The following ALS2 variants were observed in gnomAD, a reference collection of about 807,000 sequenced individuals.
ALS2 encodes the protein alsin.
ALS2 carries 117 observed loss-of-function variants against 203.4 expected under a neutral mutation model. That is an observed-to-expected ratio of 0.58 (90% CI 0.50 to 0.67). ALS2 has a LOEUF of 0.67. ALS2 is among the 30% of genes least tolerant of loss of function. The pLI, the probability that ALS2 is intolerant of heterozygous loss-of-function variation, is 0.00. For synonymous variants in ALS2, 718 were observed against 725.9 expected, an observed-to-expected ratio of 0.99 and a Z score of 0.17; for missense variants, 1,715 against 1,989.4, an observed-to-expected ratio of 0.86 and a Z score of 2.62.
chr2:201,707,790 C>T (rs1401405884), intron 28 of ALS2, 79 bp downstream of exon 28: 5 of 1,563,130 alleles, frequency 3.2e-6, no homozygotes, highest in Non-Finnish European at 4.4e-6. Context: ...AGAGAACACA[C>T]TTTCTCGCTG....
intron 23 of ALS2, among the ~76,000 whole-genome samples, chr2:201,720,748 C>A (rs575752631): frequency 6.6e-6 from 1 of 151,748 alleles, no homozygotes; most frequent in Non-Finnish European, 1.5e-5. Flanking sequence ...AACACACACA[C>A]ACAAAGCTTT....
Position 201,727,602 on chromosome 2 carries a change from G to A in ALS2, c.2912+103C>T, listed in dbSNP as rs545213381. ...AGGTGGGCCTCATTATACAGAATGA[G>A]GAGACTGTCTCCGAAGCCTTCCTGA... On this transcript the variant is annotated intron_variant, in intron 16 of 33. Transcript: ENST00000264276. 3 of 1,020,730 alleles carry A rather than the reference G, an allele frequency of 2.9e-6. No individual in the cohort carries two copies. In the South Asian group the frequency reaches 4.1e-5, roughly 14 times the overall value. 63.2% of individuals were successfully genotyped at this position (1,020,730 alleles called of 1,614,324 possible). A position where few individuals can be genotyped will look rare whatever the true frequency, so the allele number is the denominator to read the frequency against.
Position 201,718,204 on chromosome 2 carries a change from G to C in ALS2, c.3709C>G (p.Leu1237Val), listed in dbSNP as rs185817597. 1 of 1,612,414 alleles carries C rather than the reference G, an allele frequency of 6.2e-7. No homozygotes were observed. The highest frequency in any genetic ancestry group is 8.5e-7 in the Non-Finnish European group (1 of 1,178,484). ...ATGTAGTCTCCATTTGGCATAGTCA[G>C]TGTTCCCTAGGTAAAGTCAGAGAAT... ...DDWTLSGKGT[L>V]TMPNGDYIEG... The change falls in exon 24 of 34, where the codon CTG becomes GTG. Residue 1237 changes from leucine to valine, a missense_variant. Physicochemically the swap from Leu to Val is conservative, Grantham distance 32. Around this residue, in one of 3 missense-constraint regions of ALS2, gnomAD observed 1,227 missense variants for 1,413.5 expected, o/e 0.87. Transcript: ENST00000264276.
intron 1 of ALS2, among the ~76,000 whole-genome samples, chr2:201,777,900 G>A (rs910499199): frequency 6.6e-6 from 1 of 152,094 alleles, no homozygotes; most frequent in African/African-American, 2.4e-5. Flanking sequence ...TCATTTTTAT[G>A]AGAAGATAGT....
At position 201,757,730 on chromosome 2, in the gene ALS2, G is replaced by C; in HGVS notation, c.1143C>G (p.Leu381=). ...QPLLEEAIPN[L]HSPPTTSTSA... ...AGGTGCTTGTGGTAGGCGGGCTGTG[G>C]AGATTAGGAATTGCTTCTTCTAAAA... The change falls in exon 5 of 34, where the codon CTC becomes CTG. Residue 381 remains leucine (L), a synonymous_variant. Coordinates refer to ENST00000264276, the MANE Select transcript of ALS2 (RefSeq NM_020919.4). 6.2e-7 allele frequency: 1 copy of C among 1,612,118 alleles called. No homozygotes were observed. The highest frequency in any genetic ancestry group is 8.5e-7 in the Non-Finnish European group (1 of 1,180,002).
chr2:201,769,664 A>G (rs1355647598), intron 1 of ALS2, among the ~76,000 whole-genome samples: 2 of 152,248 alleles, frequency 1.3e-5, no homozygotes, highest in Non-Finnish European at 2.9e-5. Context: ...TAAGAGATAG[A>G]AAAATAAACA....
rs750976069 is a variant in ALS2 at position 201,725,467 on chromosome 2, A to G, written c.3249-13T>C. ...GTATTCTCCATACCTGCCATGAAAA[A>G]GAAAAAATAACAAAAGAAGATGCAT... On this transcript the variant is annotated splice_polypyrimidine_tract_variant and intron_variant, in intron 19 of 33. Coordinates refer to ENST00000264276, the MANE Select transcript of ALS2 (RefSeq NM_020919.4). 8.8e-6 allele frequency: 14 copies of G among 1,599,060 alleles called. No individual in the cohort carries two copies. The highest frequency in any genetic ancestry group is 8.3e-5 in the Admixed American group (5 of 59,976).
intron 19 of ALS2, among the ~76,000 whole-genome samples, chr2:201,726,257 C>T (rs937615417): frequency 4.6e-5 from 7 of 152,164 alleles, no homozygotes; most frequent in African/African-American, 1.7e-4. Context: ...AGATGGAAGG[C>T]TGTGTAATTT....
chr2:201,713,011 A>G (rs1012570763), intron 25 of ALS2, among the ~76,000 whole-genome samples: 1 of 152,132 alleles, frequency 6.6e-6, no homozygotes. Flanking sequence ...GTTTTTCCCA[A>G]GATGGAGTTT....
chr2:201,757,888 A>G (rs898939814), intron 4 of ALS2, 129 bp from the exon 5 acceptor site: 2 of 693,836 alleles, frequency 2.9e-6, no homozygotes, highest in Non-Finnish European at 4.7e-6. Flanking sequence ...AGTTCTCTTC[A>G]TCTTCAACTA....
Position 201,741,845 on chromosome 2 carries a change from C to T in ALS2, c.2180G>A (p.Gly727Asp), listed in dbSNP as rs1428020103. The change falls in exon 11 of 34, where the codon GGC (glycine) becomes GAC (aspartate). Residue 727 changes from glycine to aspartate, a missense_variant. Transcript: ENST00000264276. Reference sequence around the variant, plus strand: ...CAACAGCTGGACTGTAGTTGTAGTGCCCAAATTTTCTATAACAAAATAATG... The same window carrying T: ...CAACAGCTGGACTGTAGTTGTAGTGTCCAAATTTTCTATAACAAAATAATG... Reference protein sequence around the residue: ...LRPLLSLENLGTTTTVQLLQE... With the variant: ...LRPLLSLENLDTTTTVQLLQE... 2.5e-6 allele frequency: 4 copies of T among 1,612,778 alleles called. No individual in the cohort carries two copies. Among genetic ancestry groups the T allele is most frequent in the Non-Finnish European group, 3.4e-6 (4 of 1,179,182 alleles).
At chr2:201,779,337 T>G (rs1398733788) in intron 1 of ALS2, among the ~76,000 whole-genome samples, 1 of 152,208 alleles carries the variant, frequency 6.6e-6, no homozygotes, top group Non-Finnish European at 1.5e-5. Context: ...GTTAAACAAC[T>G]TTGACGTTTT....
At chr2:201,767,207 G>A (rs753170692) in intron 3 of ALS2, 22 bp downstream of exon 3, 4 of 1,613,786 alleles carry the variant, frequency 2.5e-6, no homozygotes, top group African/African-American at 1.3e-5. Flanking sequence ...GTTCGTATTT[G>A]TTACGCCATT....
rs1691200198 is a variant in ALS2 at position 201,726,839 on chromosome 2, C to G, written c.3007G>C (p.Ala1003Pro). 1 of 1,614,070 alleles carries G rather than the reference C, an allele frequency of 6.2e-7. No individual in the cohort carries two copies. Among genetic ancestry groups the G allele is most frequent in the Non-Finnish European group, 8.5e-7 (1 of 1,180,000 alleles). ...ATCCCTCTCAAAGCCTGATCTACGG[C>G]TTGGCTTATAGCTCGTAGCCACTTT... is the stretch of plus-strand genomic sequence containing the variant. ...KTKWLRAISQ[A>P]VDQALRGMSD... The change falls in exon 18 of 34, where the codon GCC (alanine) becomes CCC (proline). Residue 1003 changes from alanine (A) to proline (P), a missense_variant. Transcript: ENST00000264276.
At chr2:201,748,967 G>C (rs566973395) in intron 8 of ALS2, among the ~76,000 whole-genome samples, 2 of 152,140 alleles carry the variant, frequency 1.3e-5, no homozygotes, top group Non-Finnish European at 2.9e-5. Flanking sequence ...CTTGGGAACG[G>C]GGAGATATCA....
chr2:201,746,730 C>T lies in ALS2; in HGVS notation c.1834G>A (p.Val612Ile), dbSNP rs544877098. ...RLAKISSENGVWSIAAGRDYS... is the reference protein window; with the variant it reads ...RLAKISSENGIWSIAAGRDYS... ...TCCCTGCCTGCAGCTATGCTCCAGA[C>T]TCCATTTTCACTGCTTATCTGCAAC... The change falls in exon 9 of 34, where the codon GTC becomes ATC. Residue 612 changes from valine (V) to isoleucine (I), a missense_variant. Physicochemically the swap from Val to Ile is conservative, Grantham distance 29 (BLOSUM62 3). This residue lies in a region of ALS2 where 1,227 missense variants were observed against 1,413.5 expected (regional missense o/e 0.87). Coordinates refer to ENST00000264276, the MANE Select transcript of ALS2 (RefSeq NM_020919.4). 4 of 1,614,056 alleles carry T rather than the reference C, an allele frequency of 2.5e-6. No homozygotes were observed. Among genetic ancestry groups the T allele is most frequent in the Non-Finnish European group, 3.4e-6 (4 of 1,180,046 alleles).
intron 15 of ALS2, 51 bp from the exon 16 acceptor site, chr2:201,727,826 G>A: frequency 6.7e-7 from 1 of 1,501,078 alleles, no homozygotes; most frequent in African/African-American, 1.4e-5. Context: ...GTAGACCTCG[G>A]GGACTCTGCC....
intron 12 of ALS2, among the ~76,000 whole-genome samples, chr2:201,737,571 T>A (rs531117017): frequency 3.5e-4 from 53 of 152,206 alleles, no homozygotes; most frequent in Non-Finnish European, 6.5e-4. Context: ...GTATTCTCAT[T>A]AAAACTAGAA....
chr2:201,703,668 A>G (rs1689519628), intron 33 of ALS2, among the ~76,000 whole-genome samples: 1 of 152,214 alleles, frequency 6.6e-6, no homozygotes, highest in Admixed American at 6.5e-5. Context: ...CACCCAGATC[A>G]AAGAAGCTCA....
Sources: allele counts gnomAD v4.1 joint callset (sites outside exome capture counted in the v4.1 genomes callset), GRCh38; gene constraint gnomAD v4.1.1; regional missense constraint gnomAD v4.1.1; transcripts MANE v1.5; gene names NCBI Gene and HGNC (gene_info 2026-07-23, HGNC 2026-07-21).